Variants in PI15 observed in about 807,000 individuals in gnomAD.
PI15 encodes 25 kDa trypsin inhibitor.
In PI15, 18 loss-of-function variants were observed where a neutral mutation model predicts 31.0. That is an observed-to-expected ratio of 0.58 (90% CI 0.40 to 0.86). PI15 has a LOEUF of 0.86. Among genes scored for constraint, PI15 ranks in the 40% least tolerant of loss-of-function variants. The pLI, the probability that PI15 is intolerant of heterozygous loss-of-function variation, is 0.00. For missense variants in PI15, 282 were observed against 328.1 expected, an observed-to-expected ratio of 0.86 and a Z score of 1.09; for synonymous variants, 118 against 119.1, an observed-to-expected ratio of 0.99 and a Z score of 0.06.
At chr8:74,826,965 G>A (rs1306587881) in intron 2 of PI15, among the ~76,000 whole-genome samples, 2 of 152,068 alleles carry the variant, frequency 1.3e-5, no homozygotes, top group Non-Finnish European at 2.9e-5. Context: ...TTTTTAGAAG[G>A]TGATGTAAAT....
intron 2 of PI15, among the ~76,000 whole-genome samples, chr8:74,842,972 T>C (rs1193276746): frequency 6.6e-6 from 1 of 152,190 alleles, no homozygotes; most frequent in East Asian, 1.9e-4. Context: ...ATTATCATCG[T>C]ATTATTTTTA....
chr8:74,832,337 T>C (rs941607146), intron 2 of PI15, among the ~76,000 whole-genome samples: 2 of 151,890 alleles, frequency 1.3e-5, no homozygotes, highest in Non-Finnish European at 2.9e-5. Context: ...CCTCTGGAGG[T>C]TGAAAAAAGT....
At chr8:74,834,627 G>A (rs1298654073) in intron 2 of PI15, among the ~76,000 whole-genome samples, 1 of 152,110 alleles carries the variant, frequency 6.6e-6, no homozygotes, top group Non-Finnish European at 1.5e-5. Flanking sequence ...GAAAGTCAAG[G>A]CACTCCCACC....
In PI15 at chr8:74,845,251, T is replaced by G. The variant is rs1411155930; in HGVS notation, c.516T>G (p.His172Gln). Residue 172 changes from histidine (H) to glutamine (Q), a missense_variant, in exon 4 of 6, where the codon CAT becomes CAG. His to Gln is a conservative substitution (Grantham distance 24, BLOSUM62 0). Coordinates refer to ENST00000260113, the MANE Select transcript of PI15 (RefSeq NM_015886.5). ...GATGTTTTGGTCCCATGTGCACACA[T>G]TATACGCAGGTTATTTCAATTACCT... ...PMRCFGPMCT[H>Q]YTQMVWATSN... The G allele has an allele frequency of 1.2e-6, 2 of 1,613,608 alleles. No homozygotes were observed. Among genetic ancestry groups the G allele is most frequent in the Non-Finnish European group, 1.7e-6 (2 of 1,179,490 alleles).
chr8:74,844,975 C>A, intron 3 of PI15, 153 bp from the exon 4 acceptor site: 1 of 647,956 alleles, frequency 1.5e-6, no homozygotes, highest in Non-Finnish European at 2.7e-6. Context: ...AATAGAGGAC[C>A]CGACTAGGTG....
In PI15 at chr8:74,849,193, T is replaced by C; in HGVS notation, c.717T>C (p.Ser239=). The C allele has an allele frequency of 2.5e-6, 4 of 1,611,614 alleles. No homozygotes were observed. Among genetic ancestry groups the C allele is most frequent in the Non-Finnish European group, 3.4e-6 (4 of 1,177,820 alleles). Residue 239 remains serine, a synonymous_variant, in exon 6 of 6, where the codon TCT becomes TCC. Transcript: ENST00000260113. The stretch of plus-strand genomic sequence containing the variant: ...CTTGTCCTCCAAGTTATGGGGGATC[T>C]TGTACTGACAATCTGTGTTTTCCAG... ...CSSCPPSYGG[S]CTDNLCFPGV...
At chr8:74,825,601 C>T in intron 2 of PI15, 79 bp downstream of exon 2, 2 of 1,180,488 alleles carry the variant, frequency 1.7e-6, no homozygotes, top group African/African-American at 1.6e-5. Flanking sequence ...TCTCAAACGA[C>T]CACGAGTGTT....
In PI15 at chr8:74,852,782, C is replaced by A. The variant is rs1369690041; in HGVS notation, c.*3529C>A. 6.6e-6 allele frequency: 1 copy of A among 152,060 alleles called. No individual in the cohort carries two copies. Among genetic ancestry groups the A allele is most frequent in the Non-Finnish European group, 1.5e-5 (1 of 67,954 alleles). 9.4% of individuals were successfully genotyped at this position (152,060 alleles called of 1,614,324 possible). A position where few individuals can be genotyped will look rare whatever the true frequency, so the allele number is the denominator to read the frequency against. The stretch of plus-strand genomic sequence containing the variant: ...TGATGCCATGCTTATCAAATACATG[C>A]ACAAGCTAAACATAATTTGAATGGG... On this transcript the variant is annotated 3_prime_UTR_variant, in exon 6 of 6. Transcript: ENST00000260113.
At position 74,851,766 on chromosome 8, in the gene PI15, A is replaced by T. The variant is rs1339740713; in HGVS notation, c.*2513A>T. On this transcript the variant is annotated 3_prime_UTR_variant, in exon 6 of 6. Transcript: ENST00000260113. ...TAAGACAAAAATGTCTTAAATATAAAGCTGTGATTATATCAAAAATCCAGA... is the reference window on the plus strand; with the variant it reads ...TAAGACAAAAATGTCTTAAATATAATGCTGTGATTATATCAAAAATCCAGA... 1 of 152,110 alleles carries T rather than the reference A, an allele frequency of 6.6e-6. No homozygotes were observed. The highest frequency in any genetic ancestry group is 1.5e-5 in the Non-Finnish European group (1 of 67,946). 9.4% of individuals were successfully genotyped at this position (152,110 alleles called of 1,614,324 possible).
At position 74,849,296 on chromosome 8, in the gene PI15, T is replaced by C. The variant is rs117775004; in HGVS notation, c.*43T>C. ...GGAAATATAATGATTTCTGGGAACATGGGCATGTATATATATATATGGAGA... is the reference window on the plus strand; with the variant it reads ...GGAAATATAATGATTTCTGGGAACACGGGCATGTATATATATATATGGAGA... On this transcript the variant is annotated 3_prime_UTR_variant, in exon 6 of 6. Coordinates refer to ENST00000260113, the MANE Select transcript of PI15 (RefSeq NM_015886.5). 38,992 of 1,518,286 alleles carry C rather than the reference T, an allele frequency of 0.026. 624 individuals are homozygous for C. Among genetic ancestry groups the C allele is most frequent in the Middle Eastern group, 0.046 (265 of 5,800 alleles). The allele number at this position is 1,518,286 out of a possible 1,614,324, so 94.1% of individuals were successfully genotyped here.
chr8:74,841,347 A>G (rs570299948), intron 2 of PI15, among the ~76,000 whole-genome samples: 29 of 152,310 alleles, frequency 1.9e-4, no homozygotes, highest in Admixed American at 3.9e-4. Flanking sequence ...CTAAATCACA[A>G]GAAGTTAAAG....
At position 74,854,297 on chromosome 8, in the gene PI15, A is replaced by G. The variant is rs999717783; in HGVS notation, c.*5044A>G. 2 of 152,112 alleles carry G rather than the reference A, an allele frequency of 1.3e-5. No individual in the cohort carries two copies. Among genetic ancestry groups the G allele is most frequent in the African/African-American group, 4.8e-5 (2 of 41,468 alleles). The allele number at this position is 152,112 out of a possible 1,614,324, so 9.4% of individuals were successfully genotyped here. On this transcript the variant is annotated 3_prime_UTR_variant, in exon 6 of 6. Coordinates refer to ENST00000260113, the MANE Select transcript of PI15 (RefSeq NM_015886.5). ...AATCAAGGAAGATTTACCTTGAAGC[A>G]CTTTCCAAATTGATACTTTCAAACT...
At chr8:74,848,732 T>TATATAGAGAGAGAG (rs1191072583) in intron 5 of PI15, among the ~76,000 whole-genome samples, 2 of 136,358 alleles carry the variant, frequency 1.5e-5, no homozygotes, top group Admixed American at 7.5e-5. Context: ...TATATATATA[T>TATATAGAGAGAGAG]AGAGAGAGAG....
chr8:74,848,599 C>A (rs1034967895), intron 5 of PI15, among the ~76,000 whole-genome samples: 1 of 151,196 alleles, frequency 6.6e-6, no homozygotes, highest in South Asian at 2.1e-4. Flanking sequence ...AGTGGAATGA[C>A]CCTGGTGTCC....
chr8:74,846,578 A>T (rs1811030582), intron 5 of PI15, among the ~76,000 whole-genome samples: 1 of 152,196 alleles, frequency 6.6e-6, no homozygotes, highest in Admixed American at 6.5e-5. Flanking sequence ...ATTTTCTAAT[A>T]TTATCAGTGA....
intron 2 of PI15, among the ~76,000 whole-genome samples, chr8:74,843,169 T>C (rs764379535): frequency 2.0e-5 from 3 of 152,214 alleles, no homozygotes; most frequent in Admixed American, 6.5e-5. Context: ...TTGACGGCTG[T>C]GAAAATTATC....
In PI15 at chr8:74,851,006, T is replaced by A. The variant is rs1385001163; in HGVS notation, c.*1753T>A. On this transcript the variant is annotated 3_prime_UTR_variant, in exon 6 of 6. Coordinates refer to ENST00000260113, the MANE Select transcript of PI15 (RefSeq NM_015886.5). ...TTGGATACTTTGAAAGATGACAGAT[T>A]GTTAAATCCATTCAATGGTAAAGAA... is the stretch of plus-strand genomic sequence containing the variant. 2.0e-5 allele frequency: 3 copies of A among 152,570 alleles called. No homozygotes were observed. The highest frequency in any genetic ancestry group is 1.9e-4 in the East Asian group (1 of 5,198). The allele number at this position is 152,570 out of a possible 1,614,324, so 9.5% of individuals were successfully genotyped here.
chr8:74,848,786 T>G (rs1426628094), intron 5 of PI15, among the ~76,000 whole-genome samples: 1 of 147,520 alleles, frequency 6.8e-6, no homozygotes, highest in Non-Finnish European at 1.5e-5. Flanking sequence ...CAGGCTGGAG[T>G]GCAGTGGTGC....
chr8:74,825,890 G>A (rs560025136), intron 2 of PI15, among the ~76,000 whole-genome samples: 1 of 152,148 alleles, frequency 6.6e-6, no homozygotes, highest in African/African-American at 2.4e-5. Flanking sequence ...CTTTTTCTGT[G>A]CTTTATCTCA....
Sources: gnomAD v4.1 joint callset for allele counts (sites outside exome capture counted in the v4.1 genomes callset) on GRCh38, gnomAD v4.1.1 for gene constraint, MANE v1.5 for transcripts, NCBI Gene and HGNC (gene_info 2026-07-23, HGNC 2026-07-21) for gene names.